SOX6: variants seen among roughly 807,000 people sequenced by gnomAD.
SOX6 encodes SRY-box transcription factor 6, also known as transcription factor SOX-6.
A neutral mutation model predicts 97.8 loss-of-function variants in SOX6; 11 were observed. The observed-to-expected ratio is 0.11, with a 90% CI of 0.07 to 0.19. SOX6 has a LOEUF of 0.19. Among genes scored for constraint, SOX6 ranks in the 10% least tolerant of loss-of-function variants. The pLI is 1.00. For synonymous variants in SOX6, 360 were observed against 371.4 expected (o/e 0.97, Z 0.35); for missense variants, 810 against 1,039.5 (o/e 0.78, Z 3.04).
chr11:16,232,181 T>C (rs1852873894), intron 4 of SOX6, among the ~76,000 whole-genome samples: 1 of 151,904 alleles, frequency 6.6e-6, no homozygotes, highest in African/African-American at 2.4e-5. Flanking sequence ...TGAGAAGTAA[T>C]TTAGGTGGAT....
At chr11:16,116,768 C>T (rs771497535) in intron 6 of SOX6, among the ~76,000 whole-genome samples, 10 of 152,110 alleles carry the variant, frequency 6.6e-5, no homozygotes, top group Non-Finnish European at 4.4e-5. Context: ...AGGTAAGCAG[C>T]GGGCAAGCAA....
chr11:15,982,554 C>T (rs1029267384), intron 15 of SOX6, among the ~76,000 whole-genome samples: 1 of 151,916 alleles, frequency 6.6e-6, no homozygotes, highest in Non-Finnish European at 1.5e-5. Context: ...ATAGTATTTG[C>T]ATATAACCTA....
In SOX6 at chr11:15,970,298, T is replaced by A. The variant is rs887921329; in HGVS notation, c.*2511A>T. 37 of 152,688 alleles carry A rather than the reference T, an allele frequency of 2.4e-4. No individual in the cohort carries two copies. Among genetic ancestry groups the A allele is most frequent in the African/African-American group, 8.7e-4 (36 of 41,550 alleles). 9.5% of individuals were successfully genotyped at this position (152,688 alleles called of 1,614,324 possible). ...TCAGTCCTAAAGAACAGTCCTTTGT[T>A]CTCCACCAGCCCAGAATATTATTTT... On this transcript the variant is annotated 3_prime_UTR_variant, in exon 16 of 16. Transcript: ENST00000683767.
intron 4 of SOX6, among the ~76,000 whole-genome samples, chr11:16,220,500 T>A (rs932200651): frequency 2.6e-5 from 4 of 152,026 alleles, no homozygotes; most frequent in African/African-American, 9.7e-5. Context: ...GTTGGTGACA[T>A]GAACTACGCT....
At chr11:16,302,425 C>A (rs757476944) in intron 3 of SOX6, among the ~76,000 whole-genome samples, 7 of 152,048 alleles carry the variant, frequency 4.6e-5, no homozygotes, top group Non-Finnish European at 8.8e-5. Context: ...GTTCTCTCTA[C>A]CTGGGATTCC....
At chr11:16,125,193 T>G (rs747894017) in intron 6 of SOX6, among the ~76,000 whole-genome samples, 9 of 152,032 alleles carry the variant, frequency 5.9e-5, no homozygotes, top group Non-Finnish European at 1.2e-4. Context: ...GTCTAGGATA[T>G]TATAATCTAT....
At position 16,544,319 on chromosome 11, in the gene SOX6, G is replaced by T. The variant is rs1245503088; in HGVS notation, n.609+67762C>A. On this transcript the variant is annotated intron_variant and non_coding_transcript_variant, in intron 4 of 5. Transcript: ENST00000524520. ...CTGTCTCCCAGGCTAGAGCGCAGTG[G>T]CATTATCACAGCTCAGTACAGCCTC... is the stretch of plus-strand genomic sequence containing the variant. Among the ~76,000 whole-genome samples the T allele has an allele frequency of 2.6e-5, 4 of 152,104 alleles. No individual in the cohort carries two copies. In the East Asian group the frequency reaches 7.7e-4, roughly 29 times the overall value.
In SOX6 at chr11:16,605,309, G is replaced by A. The variant is rs142197432; in HGVS notation, n.609+6772C>T. ...TCCCTGGCGAAGTCCGCGCCCGGCGGGGCTGAACTACCCCTCGCCCCCGCT... is the reference window on the plus strand; with the variant it reads ...TCCCTGGCGAAGTCCGCGCCCGGCGAGGCTGAACTACCCCTCGCCCCCGCT... On this transcript the variant is annotated intron_variant and non_coding_transcript_variant, in intron 4 of 5. Transcript: ENST00000524520. This position sits in a 1 kb window ranked among gnomAD's most constrained non-coding sequence, Gnocchi z 5.3. Among the ~76,000 whole-genome samples the A allele has an allele frequency of 0.011, 1,698 of 152,258 alleles. 25 individuals carry two copies. Among genetic ancestry groups the A allele is most frequent in the African/African-American group, 0.039 (1,606 of 41,558 alleles).
intron 6 of SOX6, among the ~76,000 whole-genome samples, chr11:16,114,241 G>A (rs550607540): frequency 2.0e-5 from 3 of 152,022 alleles, no homozygotes; most frequent in East Asian, 1.9e-4. Flanking sequence ...TTTATTTATC[G>A]AGGATTTACT....
chr11:16,116,786 C>T (rs751534465), intron 6 of SOX6, among the ~76,000 whole-genome samples: 8 of 152,262 alleles, frequency 5.3e-5, no homozygotes, highest in East Asian at 1.9e-4. Context: ...CAAGTATTAC[C>T]GCCTGAGCTC....
chr11:16,476,159 G>T (rs1274364455), intron 1 of SOX6, among the ~76,000 whole-genome samples: 1 of 151,974 alleles, frequency 6.6e-6, no homozygotes, highest in Non-Finnish European at 1.5e-5. Context: ...TTTTCTCTAT[G>T]CTCCTCCTAA....
chr11:16,599,913 A>T (rs1022448624), intron 4 of SOX6, among the ~76,000 whole-genome samples: 1 of 152,226 alleles, frequency 6.6e-6, no homozygotes, highest in Non-Finnish European at 1.5e-5. Flanking sequence ...ACAAGCCATC[A>T]TTCTGGTAAA....
intron 4 of SOX6, among the ~76,000 whole-genome samples, chr11:16,504,138 A>G (rs1301614994): frequency 2.0e-5 from 3 of 152,042 alleles, no homozygotes; most frequent in African/African-American, 7.2e-5. Flanking sequence ...AAATATATAA[A>G]GCAAATATGA....
At chr11:16,606,137 T>TC (rs1433905045) in intron 4 of SOX6, 2 of 151,056 alleles carry the variant, frequency 1.3e-5, no homozygotes, top group East Asian at 2.0e-4. Flanking sequence ...AAAACAGCCC[T>TC]CCCCCTAGTC....
At chr11:16,521,534 A>G (rs1017283863) in intron 4 of SOX6, among the ~76,000 whole-genome samples, 2 of 152,186 alleles carry the variant, frequency 1.3e-5, no homozygotes, top group Admixed American at 1.3e-4. Flanking sequence ...ATGGGGAAAA[A>G]AACAGAGCAG....
chr11:16,689,081 T>C (rs1847992123), intron 3 of SOX6, among the ~76,000 whole-genome samples: 1 of 152,172 alleles, frequency 6.6e-6, no homozygotes, highest in South Asian at 2.1e-4. Context: ...TGGTAAAAAT[T>C]GAAACTAAAC....
At chr11:16,080,464 G>A (rs1395099882) in intron 9 of SOX6, among the ~76,000 whole-genome samples, 1 of 152,030 alleles carries the variant, frequency 6.6e-6, no homozygotes, top group Non-Finnish European at 1.5e-5. Flanking sequence ...TTTGTATGGA[G>A]TAAATGAATT....
Position 16,471,975 on chromosome 11 carries a change from T to C in SOX6, c.-5+4340A>G, listed in dbSNP as rs549932735. On this transcript the variant is annotated intron_variant, in intron 1 of 15. Coordinates refer to the SOX6 transcript ENST00000396356. The stretch of plus-strand genomic sequence containing the variant: ...AGATGTTTGGTTTTTTGTTTGTTTG[T>C]TTGAAGTGGAACTCCAGAAATAACC... Among the ~76,000 whole-genome samples, 191 of 152,324 alleles carry C rather than the reference T, an allele frequency of 1.3e-3. 1 individual carries two copies. Among genetic ancestry groups the C allele is most frequent in the South Asian group, 5.6e-3 (27 of 4,824 alleles).
intron 9 of SOX6, among the ~76,000 whole-genome samples, chr11:16,067,478 CT>C (rs1384807407): frequency 6.6e-6 from 1 of 152,106 alleles, no homozygotes; most frequent in African/African-American, 2.4e-5. Flanking sequence ...TAAGACGTGC[CT>C]TTGCTCCTCC....
Sources: gnomAD v4.1 joint callset for allele counts (sites outside exome capture counted in the v4.1 genomes callset) on GRCh38, gnomAD v4.1.1 for gene constraint, Gnocchi (gnomAD v3.1) non-coding constraint, MANE v1.5 for transcripts, NCBI Gene and HGNC (gene_info 2026-07-23, HGNC 2026-07-21) for gene names.